The following COX18 variants were observed in gnomAD, a reference collection of about 807,000 sequenced individuals.
COX18 encodes the protein cytochrome c oxidase assembly protein COX18, mitochondrial.
In COX18, 45 loss-of-function variants were observed where a neutral mutation model predicts 38.0. The observed-to-expected ratio is 1.18, with a 90% CI of 0.93 to 1.52. The LOEUF (loss-of-function observed/expected upper bound fraction) is 1.52, where lower values mean the gene tolerates loss of function less well. COX18 is among the 40% of genes most tolerant of loss of function. COX18 has a pLI of 0.00. For synonymous variants in COX18, 177 were observed against 169.8 expected (o/e 1.04, Z -0.33); for missense variants, 462 against 423.8 (o/e 1.09, Z -0.79).
intron 5 of COX18, 148 bp downstream of exon 5, chr4:73,061,665 G>A (rs1371326238): frequency 2.5e-5 from 14 of 558,646 alleles, no homozygotes; most frequent in Non-Finnish European, 2.5e-5. Flanking sequence ...CCGAGATCGC[G>A]CCACTGCACT....
In COX18 at chr4:73,069,705, C is replaced by G; in HGVS notation, c.-56G>C. On this transcript the variant is annotated 5_prime_UTR_variant, in exon 1 of 6. Coordinates refer to ENST00000507544, the MANE Select transcript of COX18 (RefSeq NM_001297732.2). Reference sequence around the variant, plus strand: ...GCCTCACAATCCAGCGGACATACACCGGCCAGCCAAGGCTGATACGCGCAC... The same window carrying G: ...GCCTCACAATCCAGCGGACATACACGGGCCAGCCAAGGCTGATACGCGCAC... 6.7e-7 allele frequency: 1 copy of G among 1,501,052 alleles called. No individual in the cohort carries two copies. The highest frequency in any genetic ancestry group is 9.0e-7 in the Non-Finnish European group (1 of 1,116,194). 93.0% of individuals were successfully genotyped at this position (1,501,052 alleles called of 1,614,324 possible).
At chr4:73,065,448 G>T in intron 2 of COX18, 35 bp from the exon 3 acceptor site, 1 of 1,557,468 alleles carries the variant, frequency 6.4e-7, no homozygotes, top group Non-Finnish European at 8.8e-7. Flanking sequence ...AGGGGAAAGA[G>T]AAAATGTCAT....
Position 73,058,117 on chromosome 4 carries a change from T to G in COX18, c.1002A>C (p.Lys334Asn). Residue 334 changes from lysine (K) to asparagine (N), a missense_variant, in exon 6 of 6, where the codon AAA becomes AAC. Transcript: ENST00000507544. ...TTCAAAATTATTGGAAAATATGTCA[T>G]TTTCTTGAAATGAACTTGGTATTAA... ...AAFNTKFISRK is the reference protein window; with the variant it reads ...AAFNTKFISRN 3.8e-6 allele frequency: 6 copies of G among 1,575,300 alleles called. No homozygotes were observed. Among genetic ancestry groups the G allele is most frequent in the Non-Finnish European group, 5.2e-6 (6 of 1,155,608 alleles).
In COX18 at chr4:73,069,471, G is replaced by A; in HGVS notation, c.179C>T (p.Ala60Val). The change falls in exon 1 of 6, where the codon GCG becomes GTG. Residue 60 changes from alanine to valine, a missense_variant. Ala to Val is a moderately conservative substitution (Grantham distance 64, BLOSUM62 0). Transcript: ENST00000507544. ...CTCCGCAACCCGCACCGGCGAAGAC[G>A]CGGCCAGGGCCTCGTACCAGCCGTT... ...HANGWYEALA[A>V]SSPVRVAEEV... 1.3e-6 allele frequency: 2 copies of A among 1,591,890 alleles called. No individual in the cohort carries two copies. Among genetic ancestry groups the A allele is most frequent in the African/African-American group, 1.3e-5 (1 of 74,720 alleles).
At chr4:73,064,656 AG>A in intron 4 of COX18, 121 bp downstream of exon 4, 1 of 1,141,842 alleles carries the variant, frequency 8.8e-7, no homozygotes. Context: ...CCAGGAACCA[AG>A]GGATCTCACT....
chr4:73,061,555 A>G (rs1201323155), intron 5 of COX18, among the ~76,000 whole-genome samples: 1 of 152,024 alleles, frequency 6.6e-6, no homozygotes, highest in Non-Finnish European at 1.5e-5. Flanking sequence ...AAAAATACAA[A>G]AAATTAGCCA....
At chr4:73,067,123 C>T (rs1720485524) in intron 2 of COX18, among the ~76,000 whole-genome samples, 5 of 152,176 alleles carry the variant, frequency 3.3e-5, no homozygotes, top group Admixed American at 3.3e-4. Context: ...TTTCCAAGAA[C>T]CCAGGCAGAC....
Position 73,069,683 on chromosome 4 carries a change from T to G in COX18, c.-34A>C, listed in dbSNP as rs1425627891. Reference sequence around the variant, plus strand: ...CACGGCGGAGCCCAGATCCCGGGCCTCACAATCCAGCGGACATACACCGGC... The same window carrying G: ...CACGGCGGAGCCCAGATCCCGGGCCGCACAATCCAGCGGACATACACCGGC... On this transcript the variant is annotated 5_prime_UTR_variant, in exon 1 of 6. An upstream open reading frame in the 5' UTR loses its in-frame stop. Coordinates refer to ENST00000507544, the MANE Select transcript of COX18 (RefSeq NM_001297732.2). 5 of 1,531,992 alleles carry G rather than the reference T, an allele frequency of 3.3e-6. No individual in the cohort carries two copies. In the African/African-American group the frequency reaches 4.1e-5, roughly 13 times the overall value. The allele number at this position is 1,531,992 out of a possible 1,614,324, so 94.9% of individuals were successfully genotyped here. A position where few individuals can be genotyped will look rare whatever the true frequency, so the allele number is the denominator to read the frequency against.
In COX18 at chr4:73,061,843, C is replaced by T. The variant is rs1323752952; in HGVS notation, c.801G>A (p.Leu267=). Residue 267 remains leucine (L), a synonymous_variant, in exon 5 of 6, where the codon TTG becomes TTA. Transcript: ENST00000507544. Reference sequence around the variant, plus strand: ...GTACCGTTGCAGCAATTGGTATCATCAACACCGACATTGCACGGACAAAGT... The same window carrying T: ...GTACCGTTGCAGCAATTGGTATCATTAACACCGACATTGCACGGACAAAGT... ...ITYFVRAMSV[L]MIPIAATVPS... 1.2e-6 allele frequency: 2 copies of T among 1,612,490 alleles called. No homozygotes were observed. Among genetic ancestry groups the T allele is most frequent in the South Asian group, 2.2e-5 (2 of 91,012 alleles).
At position 73,053,921 on chromosome 4, in the gene COX18, A is replaced by G. The variant is rs1719808428; in HGVS notation, c.*4193T>C. 6.6e-6 allele frequency: 1 copy of G among 152,208 alleles called. No individual in the cohort carries two copies. The highest frequency in any genetic ancestry group is 2.1e-4 in the South Asian group (1 of 4,838). The allele number at this position is 152,208 out of a possible 1,614,324, so 9.4% of individuals were successfully genotyped here. ...TATCTATTAATATACTTTTGAACTC[A>G]GGTATCCTAATGGTATAAATACTAT... On this transcript the variant is annotated 3_prime_UTR_variant, in exon 6 of 6. Transcript: ENST00000507544.
In COX18 at chr4:73,069,488, C is replaced by G. The variant is rs774701866; in HGVS notation, c.162G>C (p.Trp54Cys). 1.9e-6 allele frequency: 3 copies of G among 1,594,206 alleles called. No homozygotes were observed. The highest frequency in any genetic ancestry group is 2.6e-6 in the Non-Finnish European group (3 of 1,171,286). ...GCGAAGACGCGGCCAGGGCCTCGTACCAGCCGTTCGCATGTACTGCAGAGA... is the reference window on the plus strand; with the variant it reads ...GCGAAGACGCGGCCAGGGCCTCGTAGCAGCCGTTCGCATGTACTGCAGAGA... The part of the protein sequence containing the change: ...APVSAVHANG[W>C]YEALAASSPV... The change falls in exon 1 of 6, where the codon TGG (tryptophan) becomes TGC (cysteine). Residue 54 changes from tryptophan (W) to cysteine (C), a missense_variant. Physicochemically the swap from Trp to Cys is radical, Grantham distance 215. Coordinates refer to ENST00000507544, the MANE Select transcript of COX18 (RefSeq NM_001297732.2).
chr4:73,068,386 T>C (rs907796098), intron 1 of COX18, among the ~76,000 whole-genome samples: 10 of 152,308 alleles, frequency 6.6e-5, no homozygotes, highest in Admixed American at 4.6e-4. Flanking sequence ...ATATAAAATA[T>C]ATAACAGCAC....
chr4:73,065,121 C>CTA (rs1720370972), intron 3 of COX18, 129 bp downstream of exon 3: 1 of 983,264 alleles, frequency 1.0e-6, no homozygotes. Flanking sequence ...ACTTTAAATT[C>CTA]TATACCCTTA....
chr4:73,064,586 CGA>C (rs1560473578), intron 4 of COX18, among the ~76,000 whole-genome samples, 190 bp downstream of exon 4: 3 of 152,154 alleles, frequency 2.0e-5, no homozygotes, highest in Non-Finnish European at 4.4e-5. Context: ...ACTTTAATTT[CGA>C]GAGTTCTGAG....
rs757842264 is a variant in COX18 at position 73,068,024 on chromosome 4, C to T, written c.434+5G>A. ...TATGGTCTTACGTGGATATAATTAG[C>T]TTACCTGGCATCTCTTTTGGACCAC... is the stretch of plus-strand genomic sequence containing the variant. On this transcript the variant is annotated splice_donor_5th_base_variant and intron_variant, in intron 2 of 5. Coordinates refer to ENST00000507544, the MANE Select transcript of COX18 (RefSeq NM_001297732.2). The T allele has an allele frequency of 4.0e-5, 64 of 1,589,036 alleles. No homozygotes were observed. Among genetic ancestry groups the T allele is most frequent in the Non-Finnish European group, 5.3e-5 (62 of 1,162,124 alleles).
chr4:73,058,007 T>C lies in COX18; in HGVS notation c.*107A>G. On this transcript the variant is annotated 3_prime_UTR_variant, in exon 6 of 6. Transcript: ENST00000507544. ...CTTAACCTACAATATTTCATGAAGTTAATGATTTTAAATAAAAGGAAATCA... is the reference window on the plus strand; with the variant it reads ...CTTAACCTACAATATTTCATGAAGTCAATGATTTTAAATAAAAGGAAATCA... 1.2e-6 allele frequency: 1 copy of C among 817,318 alleles called. No individual in the cohort carries two copies. Among genetic ancestry groups the C allele is most frequent in the Non-Finnish European group, 2.0e-6 (1 of 510,732 alleles). 50.6% of individuals were successfully genotyped at this position (817,318 alleles called of 1,614,324 possible).
intron 2 of COX18, among the ~76,000 whole-genome samples, chr4:73,067,086 C>T (rs749529377): frequency 8.5e-5 from 13 of 152,154 alleles, no homozygotes; most frequent in Non-Finnish European, 1.5e-4. Flanking sequence ...CATCCTTGGG[C>T]GCAATCAAGC....
Position 73,069,494 on chromosome 4 carries a change from G to C in COX18, c.156C>G (p.Asn52Lys). The C allele has an allele frequency of 6.3e-7, 1 of 1,593,498 alleles. No individual in the cohort carries two copies. The highest frequency in any genetic ancestry group is 1.1e-5 in the South Asian group (1 of 88,098). The change falls in exon 1 of 6, where the codon AAC becomes AAG. Residue 52 changes from asparagine to lysine, a missense_variant. Coordinates refer to ENST00000507544, the MANE Select transcript of COX18 (RefSeq NM_001297732.2). ...ACGCGGCCAGGGCCTCGTACCAGCC[G>C]TTCGCATGTACTGCAGAGACTGGTG... ...AVAPVSAVHA[N>K]GWYEALAASS...
Position 73,056,612 on chromosome 4 carries a change from C to A in COX18, c.*1502G>T, listed in dbSNP as rs1262887910. ...CTTTACTGCATATATTTCAAGTTGC[C>A]CCCGCTTTTTTTTTCAACCACGCAT... On this transcript the variant is annotated 3_prime_UTR_variant, in exon 6 of 6. Transcript: ENST00000507544. 1 of 151,964 alleles carries A rather than the reference C, an allele frequency of 6.6e-6. No homozygotes were observed. Among genetic ancestry groups the A allele is most frequent in the Non-Finnish European group, 1.5e-5 (1 of 68,018 alleles). The allele number at this position is 151,964 out of a possible 1,614,324, so 9.4% of individuals were successfully genotyped here. A position where few individuals can be genotyped will look rare whatever the true frequency, so the allele number is the denominator to read the frequency against.
Sources: allele counts gnomAD v4.1 joint callset (sites outside exome capture counted in the v4.1 genomes callset), GRCh38; gene constraint gnomAD v4.1.1; transcripts MANE v1.5; gene names NCBI Gene and HGNC (gene_info 2026-07-23, HGNC 2026-07-21).